The following THAP9 variants were observed in gnomAD, a reference collection of about 807,000 sequenced individuals.
THAP9 encodes the protein THAP domain containing 9, also known as DNA transposase THAP9.
Under a neutral mutation model 35.7 loss-of-function variants are expected in THAP9, and 20 were observed. That is an observed-to-expected ratio of 0.56 (90% CI 0.39 to 0.81). The LOEUF (loss-of-function observed/expected upper bound fraction) is 0.81, where lower values mean the gene tolerates loss of function less well. Among genes scored for constraint, THAP9 ranks in the 40% least tolerant of loss-of-function variants. THAP9 has a pLI of 0.00. For missense variants in THAP9, 870 were observed against 1,047.4 expected (o/e 0.83, Z 2.34); for synonymous variants, 335 against 373.7 (o/e 0.90, Z 1.19).
Position 82,916,998 on chromosome 4 carries a change from T to C in THAP9, c.786T>C (p.Phe262=). ...GTTTCAACAGCAACATTTTTTCTTT[T>C]CTTCAACGAAGAGTAGAGAATGGAG... ...SPGFNSNIFS[F]LQRRVENGDQ... is the part of the protein sequence containing the mutation. The change falls in exon 5 of 5, where the codon TTT becomes TTC. Residue 262 remains phenylalanine, a synonymous_variant. Transcript: ENST00000302236. 1.3e-6 allele frequency: 2 copies of C among 1,558,624 alleles called. No individual in the cohort carries two copies. Among genetic ancestry groups the C allele is most frequent in the Non-Finnish European group, 1.7e-6 (2 of 1,155,320 alleles).
chr4:82,908,856 A>T, intron 4 of THAP9, among the ~76,000 whole-genome samples: 1 of 152,144 alleles, frequency 6.6e-6, no homozygotes, highest in African/African-American at 2.4e-5. Flanking sequence ...TTGGCCTCCC[A>T]AAGTGCTGGG....
At chr4:82,901,749 T>C (rs1224789430) in intron 1 of THAP9, among the ~76,000 whole-genome samples, 1 of 152,134 alleles carries the variant, frequency 6.6e-6, no homozygotes, top group African/African-American at 2.4e-5. Flanking sequence ...TAAATAGGGC[T>C]GATTCCTCCA....
At chr4:82,908,944 G>A (rs774746931) in intron 4 of THAP9, among the ~76,000 whole-genome samples, 4 of 145,330 alleles carry the variant, frequency 2.8e-5, no homozygotes, top group East Asian at 2.1e-4. Flanking sequence ...TTGCTCTGTC[G>A]CTCAGGCTAC....
At chr4:82,902,485 C>T (rs1720465000) in intron 1 of THAP9, among the ~76,000 whole-genome samples, 1 of 152,174 alleles carries the variant, frequency 6.6e-6, no homozygotes, top group South Asian at 2.1e-4. Flanking sequence ...ACCCCATGGA[C>T]TAAGAATATC....
In THAP9 at chr4:82,904,758, C is replaced by T. The variant is rs147005870; in HGVS notation, c.103C>T (p.Arg35Cys). 26 of 1,613,890 alleles carry T rather than the reference C, an allele frequency of 1.6e-5. No homozygotes were observed. Among genetic ancestry groups the T allele is most frequent in the Middle Eastern group, 1.6e-4 (1 of 6,082 alleles). The change falls in exon 2 of 5, where the codon CGC becomes TGC. Residue 35 changes from arginine to cysteine, a missense_variant. By Grantham distance (180) the Arg-to-Cys change is radical (BLOSUM62 -3). Coordinates refer to ENST00000302236, the MANE Select transcript of THAP9 (RefSeq NM_024672.6). ...FHQFPTDTIQ[R>C]SKWIRAVNRV... is the part of the protein sequence containing the mutation. ...TAGATTTCCAACTGATACCATACAG[C>T]GCTCAAAATGGATCAGGGCTGTTAA...
At chr4:82,910,557 TAA>T (rs749023478) in intron 4 of THAP9, 3 of 198,462 alleles carry the variant, frequency 1.5e-5, no homozygotes, top group Non-Finnish European at 2.8e-5. Context: ...TATATTAATA[TAA>T]GATTCTTATA....
Position 82,904,836 on chromosome 4 carries a change from C to T in THAP9, c.181C>T (p.Leu61=). 6.2e-7 allele frequency: 1 copy of T among 1,614,022 alleles called. No individual in the cohort carries two copies. The highest frequency in any genetic ancestry group is 1.1e-5 in the South Asian group (1 of 91,082). Residue 61 remains leucine (L), a synonymous_variant, in exon 2 of 5, where the codon CTG becomes TTG. Transcript: ENST00000302236. ...KIWIPGPGAI[L]CSKHFQESDF... is the part of the protein sequence containing the mutation. ...TTGGATTCCAGGACCAGGTGCTATA[C>T]TGTGTTCCAAACATTTTCAAGAAAG... is the stretch of plus-strand genomic sequence containing the variant.
chr4:82,908,512 C>T (rs1720744278), intron 4 of THAP9, among the ~76,000 whole-genome samples: 1 of 152,182 alleles, frequency 6.6e-6, no homozygotes. Flanking sequence ...CAGCAAATAA[C>T]AATGATTTTC....
chr4:82,913,195 A>G (rs1720923954), intron 4 of THAP9: 2 of 152,204 alleles, frequency 1.3e-5, no homozygotes, highest in Non-Finnish European at 2.9e-5. Flanking sequence ...TCTTTCTTAT[A>G]AAAACTTTAA....
chr4:82,906,196 A>T, intron 2 of THAP9, 128 bp from the exon 3 acceptor site: 1 of 752,188 alleles, frequency 1.3e-6, no homozygotes. Context: ...TTCAGAGATT[A>T]TGACCTTTTC....
chr4:82,909,090 A>G (rs1283075282), intron 4 of THAP9, among the ~76,000 whole-genome samples: 2 of 151,090 alleles, frequency 1.3e-5, no homozygotes, highest in African/African-American at 4.9e-5. Flanking sequence ...TATTTTTAGT[A>G]GAGGTGGGAT....
chr4:82,917,366 C>T lies in THAP9; in HGVS notation c.1154C>T (p.Ala385Val). The stretch of plus-strand genomic sequence containing the variant: ...GCACATAGTGTTCAGATGGCAAAAG[C>T]ATTGGGGATACATATTGATGGAGAC... Reference protein sequence around the residue: ...ATAHSVQMAKALGIHIDGDDM... With the variant: ...ATAHSVQMAKVLGIHIDGDDM... The change falls in exon 5 of 5, where the codon GCA (alanine) becomes GTA (valine). Residue 385 changes from alanine to valine, a missense_variant. Physicochemically the swap from Ala to Val is moderately conservative, Grantham distance 64 (BLOSUM62 0). Coordinates refer to ENST00000302236, the MANE Select transcript of THAP9 (RefSeq NM_024672.6). 6.2e-7 allele frequency: 1 copy of T among 1,613,454 alleles called. No homozygotes were observed. Among genetic ancestry groups the T allele is most frequent in the Non-Finnish European group, 8.5e-7 (1 of 1,179,540 alleles).
intron 1 of THAP9, 72 bp from the exon 2 acceptor site, chr4:82,904,664 T>C: frequency 7.2e-7 from 1 of 1,387,020 alleles, no homozygotes; most frequent in Non-Finnish European, 1.0e-6. Context: ...TAGATGGGTT[T>C]ATATAATAAA....
chr4:82,909,878 ATT>A (rs1179098856), intron 4 of THAP9: 1 of 152,088 alleles, frequency 6.6e-6, no homozygotes, highest in Non-Finnish European at 1.5e-5. Flanking sequence ...TACATGTGAT[ATT>A]TTGATGCATA....
chr4:82,915,352 G>A (rs902077556), intron 4 of THAP9, among the ~76,000 whole-genome samples: 4 of 152,072 alleles, frequency 2.6e-5, no homozygotes, highest in Admixed American at 2.0e-4. Flanking sequence ...TGCCTCCCAC[G>A]TTCAAGCACT....
chr4:82,916,392 ATG>A (rs1721033530), intron 4 of THAP9, among the ~76,000 whole-genome samples: 1 of 152,226 alleles, frequency 6.6e-6, no homozygotes, highest in South Asian at 2.1e-4. Flanking sequence ...CACTTGTTAT[ATG>A]CCTTTAAGGG....
rs1028884738 is a variant in THAP9, at chr4:82,919,768, G to T, written c.*844G>T. 1 of 152,170 alleles carries T rather than the reference G, an allele frequency of 6.6e-6. No individual in the cohort carries two copies. Among genetic ancestry groups the T allele is most frequent in the African/African-American group, 2.4e-5 (1 of 41,424 alleles). 9.4% of individuals were successfully genotyped at this position (152,170 alleles called of 1,614,324 possible). On this transcript the variant is annotated 3_prime_UTR_variant, in exon 5 of 5. Transcript: ENST00000302236. Reference sequence around the variant, plus strand: ...TGAAAAGAGGGACAGAAAAACATAGGTAACTCTACTTTCACAAATGAGGAT... The same window carrying T: ...TGAAAAGAGGGACAGAAAAACATAGTTAACTCTACTTTCACAAATGAGGAT...
At chr4:82,913,592 CA>C (rs149776493) in intron 4 of THAP9, among the ~76,000 whole-genome samples, 67,313 of 151,718 alleles carry the variant, frequency 0.44, 17,272 homozygotes, top group Admixed American at 0.59. Context: ...ATTTTAGGTT[CA>C]GGGGTACATG....
chr4:82,908,257 G>C (rs539506024), intron 4 of THAP9, among the ~76,000 whole-genome samples: 6 of 152,138 alleles, frequency 3.9e-5, no homozygotes, highest in Non-Finnish European at 7.4e-5. Context: ...ACTCTGGGTG[G>C]ATAAAATTTG....
Sources: gnomAD v4.1 joint callset for allele counts (sites outside exome capture counted in the v4.1 genomes callset) on GRCh38, gnomAD v4.1.1 for gene constraint, MANE v1.5 for transcripts, NCBI Gene and HGNC (gene_info 2026-07-23, HGNC 2026-07-21) for gene names.